The following NTSR1 variants were observed in gnomAD, a reference collection of about 807,000 sequenced individuals.
NTSR1 encodes the protein neurotensin receptor type 1.
NTSR1 carries 29 observed loss-of-function variants against 31.2 expected under a neutral mutation model. The ratio of observed to expected loss-of-function variants is 0.93; its 90% confidence interval spans 0.69 to 1.27. NTSR1 has a LOEUF of 1.27. Ranked by LOEUF, NTSR1 falls within the 50% of genes most tolerant of loss-of-function variation. The probability of loss-of-function intolerance (pLI) is 0.00; values close to 1 mark genes in which losing one functional copy is unlikely to be tolerated. For synonymous variants in NTSR1, 282 were observed against 269.9 expected, an observed-to-expected ratio of 1.04 and a Z score of -0.44; for missense variants, 697 against 595.4, an observed-to-expected ratio of 1.17 and a Z score of -1.78.
intron 1 of NTSR1, among the ~76,000 whole-genome samples, chr20:62,724,727 GTGGCTCTGGAGGCC>G (rs1286528364): frequency 2.0e-5 from 3 of 152,170 alleles, no homozygotes; most frequent in Admixed American, 6.5e-5. Flanking sequence ...TGTGTCCTCC[GTGGCTCTGGAGGCC>G]TGAAATCAGG....
intron 1 of NTSR1, among the ~76,000 whole-genome samples, chr20:62,740,980 A>G (rs1989194851): frequency 6.6e-6 from 1 of 152,142 alleles, no homozygotes; most frequent in Admixed American, 6.5e-5. Context: ...CCTCAGAGTG[A>G]CTAATGGGGC....
At position 62,709,408 on chromosome 20, in the gene NTSR1, C is replaced by T. The variant is rs751577897; in HGVS notation, c.201C>T (p.Thr67=). 6.2e-7 allele frequency: 1 copy of T among 1,609,550 alleles called. No homozygotes were observed. Among genetic ancestry groups the T allele is most frequent in the South Asian group, 1.1e-5 (1 of 90,912 alleles). The part of the protein sequence containing the change: ...NTDIYSKVLV[T]AVYLALFVVG... ...ACATCTACTCCAAGGTGCTGGTGAC[C>T]GCCGTGTACCTGGCGCTCTTCGTGG... Residue 67 remains threonine, a synonymous_variant, in exon 1 of 4, where the codon ACC becomes ACT. Coordinates refer to ENST00000370501, the MANE Select transcript of NTSR1 (RefSeq NM_002531.3).
chr20:62,721,654 G>A (rs1404805096), intron 1 of NTSR1, among the ~76,000 whole-genome samples: 2 of 152,168 alleles, frequency 1.3e-5, no homozygotes, highest in Admixed American at 1.3e-4. Context: ...TAATTGTTTA[G>A]GTGTGTTCCT....
chr20:62,734,609 A>C (rs1301948518), intron 1 of NTSR1, among the ~76,000 whole-genome samples: 1 of 152,208 alleles, frequency 6.6e-6, no homozygotes, highest in Non-Finnish European at 1.5e-5. Flanking sequence ...GTGGCTTCCC[A>C]TAAAAGCTGC....
chr20:62,719,497 C>T (rs1205785554), intron 1 of NTSR1, among the ~76,000 whole-genome samples: 3 of 151,704 alleles, frequency 2.0e-5, no homozygotes, highest in African/African-American at 7.3e-5. Flanking sequence ...CTCGGTACAT[C>T]GTCATGCGAC....
chr20:62,728,259 G>C (rs1988943349), intron 1 of NTSR1, among the ~76,000 whole-genome samples: 1 of 152,128 alleles, frequency 6.6e-6, no homozygotes, highest in Admixed American at 6.5e-5. Flanking sequence ...TGGGTACCTT[G>C]GGGTCGGTGC....
chr20:62,723,310 G>A (rs965636168), intron 1 of NTSR1, among the ~76,000 whole-genome samples: 17 of 152,312 alleles, frequency 1.1e-4, no homozygotes, highest in African/African-American at 3.8e-4. Flanking sequence ...GCTGCTGTCT[G>A]GGGTGTCACT....
At chr20:62,759,570 C>G (rs528106417) in intron 3 of NTSR1, among the ~76,000 whole-genome samples, 14 of 151,828 alleles carry the variant, frequency 9.2e-5, no homozygotes, top group Middle Eastern at 6.8e-3. Flanking sequence ...GTCAGGAGAT[C>G]GAGACCATCC....
Position 62,760,319 on chromosome 20 carries a change from C to T in NTSR1, c.*52C>T. The T allele has an allele frequency of 6.4e-7, 1 of 1,550,664 alleles. No homozygotes were observed. Among genetic ancestry groups the T allele is most frequent in the African/African-American group, 1.3e-5 (1 of 74,154 alleles). On this transcript the variant is annotated 3_prime_UTR_variant, in exon 4 of 4. Transcript: ENST00000370501. ...AGGAGCCTGGCCATGGGTCCTTGCC[C>T]CCGACAGACAGAGCAGCCCCCACCC...
intron 1 of NTSR1, chr20:62,735,198 G>T (rs1989069527): frequency 6.6e-6 from 1 of 152,642 alleles, no homozygotes; most frequent in Non-Finnish European, 1.5e-5. Context: ...TAGGGGGTGG[G>T]AGGCCACGGG....
In NTSR1 at chr20:62,758,537, G is replaced by T. The variant is rs1989556145; in HGVS notation, c.1007+181G>T. On this transcript the variant is annotated intron_variant, in intron 3 of 3. Transcript: ENST00000370501. The surrounding 1 kb of genome is among the most constrained non-coding windows in gnomAD (Gnocchi z 4.5). The stretch of plus-strand genomic sequence containing the variant: ...CCGGGAGAAGGCCATGGAGGGACAG[G>T]TTCAAGGCAGGGGCTATTCAGGCCA... 6.6e-6 allele frequency among the ~76,000 whole-genome samples: 1 copy of T among 152,174 alleles called. No homozygotes were observed. The highest frequency in any genetic ancestry group is 1.5e-5 in the Non-Finnish European group (1 of 68,028).
At chr20:62,731,509 G>A (rs1989001624) in intron 1 of NTSR1, among the ~76,000 whole-genome samples, 1 of 152,094 alleles carries the variant, frequency 6.6e-6, no homozygotes, top group African/African-American at 2.4e-5. Context: ...AAGATACCTA[G>A]ATTTTATTAC....
chr20:62,735,748 G>A (rs538574306), intron 1 of NTSR1, among the ~76,000 whole-genome samples: 6 of 152,304 alleles, frequency 3.9e-5, no homozygotes, highest in South Asian at 4.1e-4. Flanking sequence ...TGAGGCTGGC[G>A]TGCAGGGAAG....
chr20:62,709,852 C>G lies in NTSR1; in HGVS notation c.645C>G (p.Asp215Glu), dbSNP rs369573865. The change falls in exon 1 of 4, where the codon GAC (aspartate) becomes GAG (glutamate). Residue 215 changes from aspartate to glutamate, a missense_variant. Asp to Glu is a conservative substitution (Grantham distance 45, BLOSUM62 2). Transcript: ENST00000370501. Reference protein sequence around the residue: ...FTMGEQNRSADGQHAGGLVCT... With the variant: ...FTMGEQNRSAEGQHAGGLVCT... ...TGGGCGAGCAGAACCGCAGCGCCGA[C>G]GGCCAGCACGCCGGCGGCCTGGTGT... 2.5e-6 allele frequency: 4 copies of G among 1,608,468 alleles called. No individual in the cohort carries two copies. Among genetic ancestry groups the G allele is most frequent in the Non-Finnish European group, 3.4e-6 (4 of 1,176,706 alleles).
Position 62,758,505 on chromosome 20 carries a change from A to G in NTSR1, c.1007+149A>G. ...ACCCCCTGGGCAGGGTTGTGCTGTGACTGGGGCCGGGAGAAGGCCATGGAG... is the reference window on the plus strand; with the variant it reads ...ACCCCCTGGGCAGGGTTGTGCTGTGGCTGGGGCCGGGAGAAGGCCATGGAG... On this transcript the variant is annotated intron_variant, in intron 3 of 3. Coordinates refer to ENST00000370501, the MANE Select transcript of NTSR1 (RefSeq NM_002531.3). This position sits in a 1 kb window ranked among gnomAD's most constrained non-coding sequence, Gnocchi z 4.5. 1 of 700,474 alleles carries G rather than the reference A, an allele frequency of 1.4e-6. No individual in the cohort carries two copies. The allele number at this position is 700,474 out of a possible 1,614,324, so 43.4% of individuals were successfully genotyped here.
At chr20:62,729,492 G>A (rs1988967234) in intron 1 of NTSR1, among the ~76,000 whole-genome samples, 1 of 152,162 alleles carries the variant, frequency 6.6e-6, no homozygotes, top group Non-Finnish European at 1.5e-5. Context: ...TGACACAGGT[G>A]TAGCTCAGAG....
chr20:62,759,475 C>G (rs1271830522), intron 3 of NTSR1, among the ~76,000 whole-genome samples: 1 of 152,194 alleles, frequency 6.6e-6, no homozygotes, highest in Non-Finnish European at 1.5e-5. Flanking sequence ...CACGCTCCAC[C>G]TAAAGAAGCC....
chr20:62,753,476 T>G (rs1600735398), intron 1 of NTSR1, among the ~76,000 whole-genome samples: 1 of 152,192 alleles, frequency 6.6e-6, no homozygotes, highest in South Asian at 2.1e-4. Flanking sequence ...ACCCCTGGAC[T>G]TTCTACCGCA....
Position 62,745,798 on chromosome 20 carries a change from C to T in NTSR1, c.715-8887C>T, listed in dbSNP as rs1206931587. On this transcript the variant is annotated intron_variant, in intron 1 of 3. Transcript: ENST00000370501. The surrounding 1 kb of genome is among the most constrained non-coding windows in gnomAD (Gnocchi z 4.1). ...CTTCCCTGCTGTTGGCCATGACCCT[C>T]CCCTGCTGCTTGGAATTGCAAAGCC... Among the ~76,000 whole-genome samples the T allele has an allele frequency of 2.0e-5, 3 of 152,238 alleles. No homozygotes were observed. Among genetic ancestry groups the T allele is most frequent in the Admixed American group, 2.0e-4 (3 of 15,284 alleles).
Sources: allele counts gnomAD v4.1 joint callset (sites outside exome capture counted in the v4.1 genomes callset), GRCh38; gene constraint gnomAD v4.1.1; non-coding constraint Gnocchi (gnomAD v3.1); transcripts MANE v1.5; gene names NCBI Gene and HGNC (gene_info 2026-07-23, HGNC 2026-07-21).